RNF144A: variants seen among roughly 807,000 people sequenced by gnomAD.
The protein encoded by RNF144A is E3 ubiquitin-protein ligase RNF144A.
In RNF144A, 11 loss-of-function variants were observed where a neutral mutation model predicts 38.7. That is an observed-to-expected ratio of 0.28 (90% CI 0.18 to 0.47). The LOEUF is 0.47. Among genes scored for constraint, RNF144A ranks in the 20% least tolerant of loss-of-function variants. RNF144A has a pLI of 0.99. For synonymous variants in RNF144A, 149 were observed against 143.9 expected, an observed-to-expected ratio of 1.04 and a Z score of -0.25; for missense variants, 316 against 377.2, an observed-to-expected ratio of 0.84 and a Z score of 1.34.
rs113475259 is a variant in RNF144A at position 6,961,077 on chromosome 2, GT to G, written c.-12+19940del. ...TGGATGTCTTTCTTGTACTTACATG[GT>G]TTTTTTTTTCTGTATGGCTTTTAGT... On this transcript the variant is annotated intron_variant, in intron 2 of 8. Coordinates refer to ENST00000320892, the MANE Select transcript of RNF144A (RefSeq NM_014746.6). Among the ~76,000 whole-genome samples, 21 of 148,832 alleles carry G rather than the reference GT, an allele frequency of 1.4e-4. No homozygotes were observed. The South Asian group carries it at 3.0e-3, about 21-fold the overall frequency.
intron 2 of RNF144A, among the ~76,000 whole-genome samples, chr2:6,952,548 A>C (rs1666752852): frequency 6.6e-6 from 1 of 151,024 alleles, no homozygotes; most frequent in South Asian, 2.1e-4. Flanking sequence ...AGTTTGTAAA[A>C]TTATTTGCAC....
At chr2:7,045,246 G>A (rs1572474946), downstream of RNF144A, among the ~76,000 whole-genome samples, 1 of 152,192 alleles carries the variant, frequency 6.6e-6, no homozygotes, top group African/African-American at 2.4e-5. Flanking sequence ...CTCAGGAACT[G>A]GACCTTCATG....
intron 6 of RNF144A, among the ~76,000 whole-genome samples, chr2:7,050,623 T>C (rs116182333): frequency 0.014 from 2,182 of 152,332 alleles, 21 homozygotes; most frequent in Non-Finnish European, 0.019. Flanking sequence ...TTGAAAACCA[T>C]TGAGAGCCTT....
chr2:7,015,599 C>T (rs532556496), intron 5 of RNF144A, among the ~76,000 whole-genome samples: 132 of 152,340 alleles, frequency 8.7e-4, no homozygotes, highest in Non-Finnish European at 1.6e-3. Context: ...GTCTTTAGCT[C>T]TGCTCTCTGA....
intron 2 of RNF144A, among the ~76,000 whole-genome samples, chr2:6,952,446 A>G (rs1008106245): frequency 1.3e-5 from 2 of 148,906 alleles, no homozygotes; most frequent in Non-Finnish European, 3.0e-5. Context: ...TGTACGATTT[A>G]TATTATCTGC....
At chr2:7,013,513 A>T (rs898058301) in intron 3 of RNF144A, among the ~76,000 whole-genome samples, 3 of 152,232 alleles carry the variant, frequency 2.0e-5, no homozygotes, top group Non-Finnish European at 4.4e-5. Flanking sequence ...TGAACTTTAA[A>T]TATACTGGGA....
At chr2:6,945,102 A>C (rs1189554478) in intron 2 of RNF144A, among the ~76,000 whole-genome samples, 1 of 152,250 alleles carries the variant, frequency 6.6e-6, no homozygotes, top group Non-Finnish European at 1.5e-5. Flanking sequence ...CAGCCTTTGG[A>C]CCGGCCACGT....
intron 1 of RNF144A, among the ~76,000 whole-genome samples, chr2:6,929,487 A>C (rs1301800332): frequency 1.3e-5 from 2 of 152,100 alleles, no homozygotes; most frequent in African/African-American, 4.8e-5. Context: ...TTTTCACTGA[A>C]CTCAATATAT....
chr2:6,999,445 G>A (rs979032879), intron 3 of RNF144A, among the ~76,000 whole-genome samples: 1 of 152,124 alleles, frequency 6.6e-6, no homozygotes, highest in Non-Finnish European at 1.5e-5. Context: ...TCCTTTTTTG[G>A]GGGGTGCAGA....
intron 3 of RNF144A, among the ~76,000 whole-genome samples, chr2:7,000,767 A>C (rs961758171): frequency 2.0e-5 from 3 of 152,072 alleles, no homozygotes; most frequent in Non-Finnish European, 4.4e-5. Context: ...CTTAAAAAAA[A>C]CAGTCTAATG....
At chr2:6,921,693 C>T (rs931169718) in intron 1 of RNF144A, among the ~76,000 whole-genome samples, 1 of 152,160 alleles carries the variant, frequency 6.6e-6, no homozygotes, top group East Asian at 1.9e-4. Context: ...GTCAGGGCAG[C>T]ATGGGAGGTC....
chr2:6,942,979 C>T (rs538286407), intron 2 of RNF144A, among the ~76,000 whole-genome samples: 2 of 152,232 alleles, frequency 1.3e-5, no homozygotes, highest in Admixed American at 1.3e-4. Flanking sequence ...AGCGAGACTC[C>T]ATCTCAATTT....
chr2:7,051,589 C>T (rs1299432039), intron 6 of RNF144A, among the ~76,000 whole-genome samples: 2 of 152,110 alleles, frequency 1.3e-5, no homozygotes, highest in South Asian at 4.2e-4. Flanking sequence ...TAACAAGTAT[C>T]AGTAAAAAGA....
chr2:7,050,257 G>A (rs145815399), intron 6 of RNF144A, among the ~76,000 whole-genome samples: 14 of 152,206 alleles, frequency 9.2e-5, no homozygotes, highest in East Asian at 3.9e-4. Context: ...TATTGTTCTC[G>A]TGGTAGTGAA....
intron 2 of RNF144A, among the ~76,000 whole-genome samples, chr2:6,993,406 T>C (rs1669520831): frequency 6.6e-6 from 1 of 152,106 alleles, no homozygotes; most frequent in South Asian, 2.1e-4. Flanking sequence ...GATGGAACCC[T>C]GTACGCTGTG....
chr2:6,952,757 G>T (rs1455338593), intron 2 of RNF144A, among the ~76,000 whole-genome samples: 1 of 151,778 alleles, frequency 6.6e-6, no homozygotes, highest in African/African-American at 2.4e-5. Flanking sequence ...TCTTACTATG[G>T]TATGCAGGTT....
chr2:7,050,768 G>A (rs955548574), intron 6 of RNF144A, among the ~76,000 whole-genome samples: 1 of 152,178 alleles, frequency 6.6e-6, no homozygotes, highest in Non-Finnish European at 1.5e-5. Flanking sequence ...CTCCCTCACT[G>A]GCCTCCATGG....
chr2:6,977,398 G>A (rs1319831607), intron 2 of RNF144A, among the ~76,000 whole-genome samples: 5 of 152,220 alleles, frequency 3.3e-5, no homozygotes, highest in African/African-American at 9.6e-5. Flanking sequence ...TTTGAACATC[G>A]TAACATCAAT....
At chr2:6,985,054 G>T (rs931373793) in intron 2 of RNF144A, among the ~76,000 whole-genome samples, 1 of 152,318 alleles carries the variant, frequency 6.6e-6, no homozygotes, top group East Asian at 1.9e-4. Context: ...AGAAAGCAAA[G>T]AGAAAATCAA....
Sources: allele counts gnomAD v4.1 joint callset (sites outside exome capture counted in the v4.1 genomes callset), GRCh38; gene constraint gnomAD v4.1.1; transcripts MANE v1.5; gene names NCBI Gene and HGNC (gene_info 2026-07-23, HGNC 2026-07-21).